ZNF263: variants seen among roughly 807,000 people sequenced by gnomAD.
ZNF263 encodes the protein zinc finger protein FPM315.
In ZNF263, 49 loss-of-function variants were observed where a neutral mutation model predicts 63.1. The ratio of observed to expected loss-of-function variants is 0.78; its 90% CI spans 0.62 to 0.99. ZNF263 has a LOEUF of 0.99. ZNF263 is among the 50% of genes least tolerant of loss of function. The pLI, the probability that ZNF263 is intolerant of heterozygous loss-of-function variation, is 0.00. For missense variants in ZNF263, 872 were observed against 854.8 expected (o/e 1.02, Z -0.25); for synonymous variants, 352 against 324.2 (o/e 1.09, Z -0.92).
chr16:3,296,906 T>C (rs1037824465), intron 1 of ZNF263, among the ~76,000 whole-genome samples: 2 of 152,030 alleles, frequency 1.3e-5, no homozygotes, highest in African/African-American at 2.4e-5. Context: ...GCAGAGGGAG[T>C]TGGTGTCTGG....
intron 1 of ZNF263, chr16:3,298,874 C>T (rs1238407271): frequency 4.5e-6 from 2 of 445,958 alleles, no homozygotes; most frequent in Admixed American, 4.1e-5. Context: ...TATAAATGGG[C>T]ACTGATATAC....
Position 3,283,632 on chromosome 16 carries a change from G to T in ZNF263, c.-187G>T, listed in dbSNP as rs1959231587. On this transcript the variant is annotated 5_prime_UTR_variant, in exon 1 of 6. Transcript: ENST00000219069. ...TGGGCCACGGGGCCGGCGTGGCGGC[G>T]CCTGGGACCGACTGAGGCCTAGGCG... 1.1e-6 allele frequency: 1 copy of T among 903,760 alleles called. No individual in the cohort carries two copies. The highest frequency in any genetic ancestry group is 4.2e-5 in the Admixed American group (1 of 24,038). 56.0% of individuals were successfully genotyped at this position (903,760 alleles called of 1,614,324 possible). A position where few individuals can be genotyped will look rare whatever the true frequency, so the allele number is the denominator to read the frequency against.
rs1193960040 is a variant in ZNF263 at position 3,283,971 on chromosome 16, G to A, written c.153G>A (p.Glu51=). The change falls in exon 1 of 6, where the codon GAG becomes GAA. Residue 51 remains glutamate (E), a synonymous_variant. Coordinates refer to ENST00000219069, the MANE Select transcript of ZNF263 (RefSeq NM_005741.5). ...HLRFRRFRFQ[E]AAGPREALSR... is the part of the protein sequence containing the mutation. ...GCTTCAGACGGTTCCGCTTCCAAGA[G>A]GCAGCTGGTCCCCGGGAAGCCCTCA... 2 of 1,613,990 alleles carry A rather than the reference G, an allele frequency of 1.2e-6. No homozygotes were observed. Among genetic ancestry groups the A allele is most frequent in the African/African-American group, 1.3e-5 (1 of 75,068 alleles).
chr16:3,297,818 G>A (rs1315248012), intron 1 of ZNF263, among the ~76,000 whole-genome samples: 19 of 152,098 alleles, frequency 1.2e-4, no homozygotes. Context: ...AAGCCAATAA[G>A]AGCTAATTAT....
intron 5 of ZNF263, among the ~76,000 whole-genome samples, 197 bp from the exon 6 acceptor site, chr16:3,289,196 C>G (rs1005627817): frequency 6.6e-6 from 1 of 152,142 alleles, no homozygotes; most frequent in African/African-American, 2.4e-5. Flanking sequence ...CTGGTCTCGG[C>G]TCTGATTCCT....
intron 4 of ZNF263, 156 bp downstream of exon 4, chr16:3,286,305 A>G: frequency 8.9e-7 from 1 of 1,128,816 alleles, no homozygotes; most frequent in South Asian, 1.9e-5. Flanking sequence ...AGAGTCATGT[A>G]TCTGCCAAGT....
chr16:3,298,817 A>G (rs539746510), intron 1 of ZNF263: 11 of 399,162 alleles, frequency 2.8e-5, no homozygotes, highest in African/African-American at 4.1e-5. Context: ...ATAAATTTAA[A>G]GAAACACAAA....
At chr16:3,286,224 T>C in intron 4 of ZNF263, 75 bp downstream of exon 4, 1 of 1,505,842 alleles carries the variant, frequency 6.6e-7, no homozygotes, top group Non-Finnish European at 8.8e-7. Context: ...ATTCACCTCC[T>C]GGACACAGAC....
In ZNF263 at chr16:3,285,772, A is replaced by T; in HGVS notation, c.642+18A>T. Reference sequence around the variant, plus strand: ...GGCCCCAGGTGATGTGGAAGTTTCCATTGTCTCCCCCCAGCACCCTTCCTC... The same window carrying T: ...GGCCCCAGGTGATGTGGAAGTTTCCTTTGTCTCCCCCCAGCACCCTTCCTC... On this transcript the variant is annotated intron_variant, in intron 3 of 5. Transcript: ENST00000219069. 6.2e-7 allele frequency: 1 copy of T among 1,613,502 alleles called. No individual in the cohort carries two copies. Among genetic ancestry groups the T allele is most frequent in the Non-Finnish European group, 8.5e-7 (1 of 1,179,610 alleles).
downstream of ZNF263, among the ~76,000 whole-genome samples, chr16:3,295,604 C>T (rs1959722806): frequency 6.7e-6 from 1 of 148,888 alleles, no homozygotes; most frequent in South Asian, 2.1e-4. Flanking sequence ...AGCGCGGGGC[C>T]GCCCTAGGGG....
intron 1 of ZNF263, among the ~76,000 whole-genome samples, chr16:3,297,426 G>GTT (rs963645295): frequency 6.8e-6 from 1 of 146,962 alleles, no homozygotes; most frequent in Non-Finnish European, 1.5e-5. Context: ...ATTCACCAGT[G>GTT]TAACAGAATA....
At chr16:3,296,181 T>C (rs376736329), downstream of ZNF263, among the ~76,000 whole-genome samples, 1 of 152,250 alleles carries the variant, frequency 6.6e-6, no homozygotes, top group African/African-American at 2.4e-5. Flanking sequence ...TTCTTGGTTA[T>C]TCAGAGCTGA....
chr16:3,300,378 A>C, intron 2 of ZNF263: 2 of 1,614,222 alleles, frequency 1.2e-6, no homozygotes, highest in Non-Finnish European at 1.7e-6. Context: ...CATCATCTAC[A>C]TCACCATATT....
downstream of ZNF263, among the ~76,000 whole-genome samples, chr16:3,294,876 A>C (rs1959703488): frequency 6.6e-6 from 1 of 152,166 alleles, no homozygotes; most frequent in African/African-American, 2.4e-5. Context: ...GGGAAAGAAA[A>C]ACATTAAGGA....
At chr16:3,295,671 C>T (rs1004013027), downstream of ZNF263, among the ~76,000 whole-genome samples, 3 of 152,250 alleles carry the variant, frequency 2.0e-5, no homozygotes, top group African/African-American at 7.2e-5. Flanking sequence ...CCGAGGCTCC[C>T]CTTTTTGTTT....
intron 2 of ZNF263, chr16:3,299,631 T>C: frequency 5.1e-6 from 8 of 1,564,756 alleles, no homozygotes; most frequent in Non-Finnish European, 6.9e-6. Flanking sequence ...GATTCATTGG[T>C]TGAATCAAGG....
rs770177543 is a variant in ZNF263 at position 3,288,579 on chromosome 16, T to C, written c.886+9T>C. 1.3e-6 allele frequency: 2 copies of C among 1,592,124 alleles called. No homozygotes were observed. The highest frequency in any genetic ancestry group is 1.7e-6 in the Non-Finnish European group (2 of 1,164,560). ...CAGAGGCCCAGCTCCAGGTAAGGAATGAAGACAAGTGGCCTGCGCAGCAAG... is the reference window on the plus strand; with the variant it reads ...CAGAGGCCCAGCTCCAGGTAAGGAACGAAGACAAGTGGCCTGCGCAGCAAG... On this transcript the variant is annotated intron_variant, in intron 5 of 5. Coordinates refer to ENST00000219069, the MANE Select transcript of ZNF263 (RefSeq NM_005741.5).
At position 3,285,734 on chromosome 16, in the gene ZNF263, A is replaced by C. The variant is rs767945192; in HGVS notation, c.622A>C (p.Lys208Gln). ...LFPPEGNMED[K>Q]EMTGPQLPES... ...TCCTCCTGAAGGGAACATGGAAGAC[A>C]AGGAGATGACTGGGCCCCAGGTGAT... is the stretch of plus-strand genomic sequence containing the variant. Residue 208 changes from lysine to glutamine, a missense_variant, in exon 3 of 6, where the codon AAG (lysine) becomes CAG (glutamine). Lys to Gln is a moderately conservative substitution (Grantham distance 53). Coordinates refer to ENST00000219069, the MANE Select transcript of ZNF263 (RefSeq NM_005741.5). 6.2e-7 allele frequency: 1 copy of C among 1,614,116 alleles called. No individual in the cohort carries two copies. Among genetic ancestry groups the C allele is most frequent in the Non-Finnish European group, 8.5e-7 (1 of 1,180,022 alleles).
chr16:3,300,297 A>G (rs1034323146), intron 2 of ZNF263: 3 of 1,614,110 alleles, frequency 1.9e-6, no homozygotes, highest in African/African-American at 2.7e-5. Context: ...ATCTCTCTGC[A>G]GCAGCCTGAA....
Sources: gnomAD v4.1 joint callset for allele counts (sites outside exome capture counted in the v4.1 genomes callset) on GRCh38, gnomAD v4.1.1 for gene constraint, MANE v1.5 for transcripts, NCBI Gene and HGNC (gene_info 2026-07-23, HGNC 2026-07-21) for gene names.